The following RILPL1 variants were observed in gnomAD, a reference collection of about 807,000 sequenced individuals.
RILPL1 encodes the protein RILP-like protein 1.
RILPL1 carries 33 observed loss-of-function variants against 50.3 expected under a neutral mutation model. That is an observed-to-expected ratio of 0.66 (90% CI 0.50 to 0.88). RILPL1 has a LOEUF of 0.88. RILPL1 is among the 40% of genes least tolerant of loss of function. RILPL1 has a pLI of 0.00. For synonymous variants in RILPL1, 205 were observed against 228.6 expected (o/e 0.90, Z 0.93); for missense variants, 418 against 542.5 (o/e 0.77, Z 2.28).
At chr12:123,515,860 C>A (rs949132531) in intron 2 of RILPL1, among the ~76,000 whole-genome samples, 1 of 151,206 alleles carries the variant, frequency 6.6e-6, no homozygotes, top group Non-Finnish European at 1.5e-5. Flanking sequence ...CATGGAGAAA[C>A]CCTGTCTCTA....
chr12:123,511,542 TGTGTGAGGTCTGTGTGTGTG>T (rs1884206676), intron 2 of RILPL1, among the ~76,000 whole-genome samples: 1 of 109,178 alleles, frequency 9.2e-6, no homozygotes, highest in Admixed American at 9.6e-5. Context: ...GTGTGAGGTC[TGTGTGAGGTCTGTGTGTGTG>T]GTATGTGTGA....
chr12:123,495,086 T>C (rs535863187), intron 4 of RILPL1, among the ~76,000 whole-genome samples: 1 of 152,258 alleles, frequency 6.6e-6, no homozygotes, highest in African/African-American at 2.4e-5. Flanking sequence ...CTGGCCACAG[T>C]AGTTGTTTCG....
chr12:123,509,340 G>A (rs942381259), intron 2 of RILPL1, among the ~76,000 whole-genome samples: 8 of 152,188 alleles, frequency 5.3e-5, no homozygotes, highest in African/African-American at 1.9e-4. Context: ...GAGGCAGGTG[G>A]ATCACCTGAA....
intron 1 of RILPL1, among the ~76,000 whole-genome samples, chr12:123,532,705 G>GC (rs1555270614): frequency 7.4e-6 from 1 of 134,474 alleles, no homozygotes. Flanking sequence ...GGGGAGACTG[G>GC]GGGGGGGGGG....
At chr12:123,516,436 G>T (rs531628543) in intron 2 of RILPL1, among the ~76,000 whole-genome samples, 32 of 151,652 alleles carry the variant, frequency 2.1e-4, no homozygotes, top group African/African-American at 7.7e-4. Flanking sequence ...CTGAGACCAC[G>T]GCCCTCTGCC....
rs1225524070 is a variant in RILPL1, at chr12:123,485,739, T to C, written c.868A>G (p.Asn290Asp). ...EKVAMDLKDP[N>D]RPRFTLQELR... ...TCCTGCAGGGTGAACCGGGGGCGGT[T>C]GGGGTCCTTGAGATCCATGGCCACC... Residue 290 changes from asparagine (N) to aspartate (D), a missense_variant, in exon 5 of 7, where the codon AAC becomes GAC. Asn to Asp is a conservative substitution (Grantham distance 23). Coordinates refer to ENST00000376874, the MANE Select transcript of RILPL1 (RefSeq NM_178314.5). The surrounding 1 kb of genome is among the most constrained non-coding windows in gnomAD (Gnocchi z 4.0). 1 of 1,613,204 alleles carries C rather than the reference T, an allele frequency of 6.2e-7. No homozygotes were observed. The highest frequency in any genetic ancestry group is 1.1e-5 in the South Asian group (1 of 90,996).
At chr12:123,521,730 T>C (rs1329257109) in intron 2 of RILPL1, among the ~76,000 whole-genome samples, 3 of 134,356 alleles carry the variant, frequency 2.2e-5, no homozygotes, top group Non-Finnish European at 3.1e-5. Flanking sequence ...TACACACATA[T>C]ATGTATATAT....
At chr12:123,473,894 A>T (rs1881403387) in intron 6 of RILPL1, 1 of 151,760 alleles carries the variant, frequency 6.6e-6, no homozygotes, top group Non-Finnish European at 1.5e-5. Flanking sequence ...ATTTATTTTT[A>T]TTTTTATTTT....
chr12:123,476,742 C>T (rs750772053), intron 6 of RILPL1, among the ~76,000 whole-genome samples: 5 of 152,180 alleles, frequency 3.3e-5, no homozygotes, highest in African/African-American at 4.8e-5. Flanking sequence ...GCCTTCTGGC[C>T]TCCGGAAGTG....
At chr12:123,519,254 T>C (rs1884888542) in intron 2 of RILPL1, 1 of 152,030 alleles carries the variant, frequency 6.6e-6, no homozygotes, top group Admixed American at 6.6e-5. Context: ...CAAAGATTTT[T>C]TTCCAGACCC....
chr12:123,480,250 T>G (rs1158326204), intron 6 of RILPL1, among the ~76,000 whole-genome samples: 2 of 143,680 alleles, frequency 1.4e-5, no homozygotes, highest in African/African-American at 5.2e-5. Flanking sequence ...AACCTCCGCC[T>G]CTGGAGTTCA....
intron 1 of RILPL1, 126 bp from the exon 2 acceptor site, chr12:123,523,771 G>T: frequency 9.4e-7 from 1 of 1,064,154 alleles, no homozygotes; most frequent in South Asian, 1.5e-5. Context: ...TGAGAACTGG[G>T]CCGGCAAGGC....
rs550379226 is a variant in RILPL1, at chr12:123,523,607, C to A, written c.348G>T (p.Ala116=). 3.1e-6 allele frequency: 5 copies of A among 1,613,722 alleles called. No individual in the cohort carries two copies. Among genetic ancestry groups the A allele is most frequent in the East Asian group, 2.2e-5 (1 of 44,884 alleles). The change falls in exon 2 of 7, where the codon GCG becomes GCT. Residue 116 remains alanine (A), a synonymous_variant. Transcript: ENST00000376874. ...GGGCGATCTGGGAGAGGAGGTCCTG[C>A]GCCTCCCCTCGCCACACATCCTCCA... ...ELVEDVWRGE[A]QDLLSQIAQL... is the part of the protein sequence containing the mutation.
intron 4 of RILPL1, among the ~76,000 whole-genome samples, chr12:123,493,389 C>T (rs540614317): frequency 1.2e-4 from 18 of 152,318 alleles, no homozygotes; most frequent in Admixed American, 3.3e-4. Context: ...GAAACACCCA[C>T]GAATGATCAA....
intron 2 of RILPL1, chr12:123,518,240 A>C: frequency 3.1e-6 from 1 of 320,878 alleles, no homozygotes; most frequent in Non-Finnish European, 6.2e-6. Context: ...GCGGTTGCTC[A>C]CACCTGTAAT....
chr12:123,529,579 A>G (rs553402959), intron 1 of RILPL1, among the ~76,000 whole-genome samples: 1 of 96,204 alleles, frequency 1.0e-5, no homozygotes, highest in Admixed American at 1.1e-4. Flanking sequence ...GCCCAGCCTG[A>G]ATTTTTTTTT....
At chr12:123,503,098 G>A (rs1004230955) in intron 2 of RILPL1, among the ~76,000 whole-genome samples, 4 of 150,818 alleles carry the variant, frequency 2.7e-5, no homozygotes, top group African/African-American at 9.7e-5. Context: ...ATGTTAGCCA[G>A]GATGGTCTCG....
At chr12:123,524,273 A>C (rs1397234100) in intron 1 of RILPL1, among the ~76,000 whole-genome samples, 6 of 152,234 alleles carry the variant, frequency 3.9e-5, no homozygotes, top group Non-Finnish European at 8.8e-5. Flanking sequence ...GCAGTCAAAG[A>C]AATAGCCAAT....
rs768294144 is a variant in RILPL1, at chr12:123,485,815, G to A, written c.802-10C>T. 3 of 1,592,372 alleles carry A rather than the reference G, an allele frequency of 1.9e-6. No homozygotes were observed. In the Admixed American group the frequency reaches 5.4e-5, roughly 29 times the overall value. ...CTCCCACCGGCTCCGTCTGGAGGAGGCAGAGATGCTGCTAATGAATTCTTG... is the reference window on the plus strand; with the variant it reads ...CTCCCACCGGCTCCGTCTGGAGGAGACAGAGATGCTGCTAATGAATTCTTG... On this transcript the variant is annotated splice_polypyrimidine_tract_variant and intron_variant, in intron 4 of 6. Transcript: ENST00000376874. The surrounding 1 kb of genome is among the most constrained non-coding windows in gnomAD (Gnocchi z 4.0).
Sources: allele counts gnomAD v4.1 joint callset (sites outside exome capture counted in the v4.1 genomes callset), GRCh38; gene constraint gnomAD v4.1.1; non-coding constraint Gnocchi (gnomAD v3.1); transcripts MANE v1.5; gene names NCBI Gene and HGNC (gene_info 2026-07-23, HGNC 2026-07-21).